The following RIMS2 variants were observed in gnomAD, a reference collection of about 807,000 sequenced individuals.
RIMS2 encodes the protein regulating synaptic membrane exocytosis protein 2.
A neutral mutation model predicts 174.4 loss-of-function variants in RIMS2; 59 were observed. That is an observed-to-expected ratio of 0.34 (90% confidence interval 0.27 to 0.42). RIMS2 has a LOEUF of 0.42. Ranked by LOEUF, RIMS2 falls within the 10% of genes least tolerant of loss-of-function variation. The probability of loss-of-function intolerance (pLI) is 1.00; values close to 1 mark genes in which losing one functional copy is unlikely to be tolerated. For synonymous variants in RIMS2, 606 were observed against 572.5 expected (o/e 1.06, Z -0.84); for missense variants, 1,620 against 1,666.3 (o/e 0.97, Z 0.48).
intron 19 of RIMS2, among the ~76,000 whole-genome samples, chr8:104,183,054 C>T (rs1251623455): frequency 6.6e-6 from 1 of 151,610 alleles, no homozygotes; most frequent in Non-Finnish European, 1.5e-5. Flanking sequence ...ATAGAAGTGA[C>T]TAAAACTTTT....
At chr8:103,952,691 A>C (rs1320201642) in intron 14 of RIMS2, among the ~76,000 whole-genome samples, 3 of 152,210 alleles carry the variant, frequency 2.0e-5, no homozygotes, top group Non-Finnish European at 4.4e-5. Flanking sequence ...TCCAAAAACC[A>C]GAACGCTTCT....
chr8:103,689,303 G>C (rs2096982203), intron 1 of RIMS2, among the ~76,000 whole-genome samples: 1 of 152,070 alleles, frequency 6.6e-6, no homozygotes. Context: ...AATGATCCAT[G>C]TGCTGAGGGG....
intron 19 of RIMS2, among the ~76,000 whole-genome samples, chr8:104,049,520 T>G (rs1165608995): frequency 6.6e-6 from 1 of 152,174 alleles, no homozygotes; most frequent in Non-Finnish European, 1.5e-5. Flanking sequence ...TTGCCCTGTT[T>G]AGAGGCATGT....
At chr8:104,018,773 C>A (rs1472662865) in intron 19 of RIMS2, among the ~76,000 whole-genome samples, 1 of 151,986 alleles carries the variant, frequency 6.6e-6, no homozygotes, top group African/African-American at 2.4e-5. Context: ...CATTTATAGA[C>A]CATGATCATT....
intron 19 of RIMS2, among the ~76,000 whole-genome samples, chr8:104,238,173 A>G (rs571389023): frequency 1.3e-5 from 2 of 152,318 alleles, no homozygotes; most frequent in East Asian, 3.9e-4. Flanking sequence ...GCTGGAAGCC[A>G]TTATTCTCAG....
chr8:103,641,935 T>G (rs550008809), intron 1 of RIMS2, among the ~76,000 whole-genome samples: 7 of 152,270 alleles, frequency 4.6e-5, no homozygotes, highest in African/African-American at 4.8e-5. Flanking sequence ...TTACCCAGCC[T>G]AATGTATTCC....
At chr8:103,836,917 G>A (rs1024361953) in intron 3 of RIMS2, among the ~76,000 whole-genome samples, 3 of 152,152 alleles carry the variant, frequency 2.0e-5, no homozygotes, top group Non-Finnish European at 4.4e-5. Flanking sequence ...ATGAAAAGTG[G>A]TACCACAGTT....
intron 19 of RIMS2, among the ~76,000 whole-genome samples, chr8:104,036,484 T>C (rs1003093250): frequency 3.3e-5 from 5 of 151,956 alleles, no homozygotes; most frequent in Non-Finnish European, 7.4e-5. Flanking sequence ...CCTCAGTACA[T>C]ACTCTCTTTT....
At chr8:103,740,084 A>G (rs979973982) in intron 2 of RIMS2, among the ~76,000 whole-genome samples, 1 of 152,174 alleles carries the variant, frequency 6.6e-6, no homozygotes, top group African/African-American at 2.4e-5. Context: ...TGATTTGTTT[A>G]GATAAGCATT....
intron 1 of RIMS2, among the ~76,000 whole-genome samples, chr8:103,695,876 TTTTC>T (rs1231497477): frequency 6.6e-6 from 1 of 152,068 alleles, no homozygotes; most frequent in Non-Finnish European, 1.5e-5. Context: ...TTTCAAAGGT[TTTTC>T]TTTATCTTTG....
intron 19 of RIMS2, among the ~76,000 whole-genome samples, chr8:104,208,622 A>G (rs562816148): frequency 6.6e-6 from 1 of 152,294 alleles, no homozygotes; most frequent in East Asian, 1.9e-4. Context: ...TATCAGTATG[A>G]CATAACAAGA....
intron 3 of RIMS2, among the ~76,000 whole-genome samples, chr8:103,787,430 T>C (rs1382544784): frequency 6.6e-6 from 1 of 151,198 alleles, no homozygotes; most frequent in Non-Finnish European, 1.5e-5. Flanking sequence ...TTTCCATGTT[T>C]AGCGCTTCCT....
At chr8:104,144,307 A>G (rs182247394) in intron 19 of RIMS2, among the ~76,000 whole-genome samples, 1 of 152,334 alleles carries the variant, frequency 6.6e-6, no homozygotes, top group African/African-American at 2.4e-5. Context: ...TGCACAAAAC[A>G]ATATTTAGAA....
intron 4 of RIMS2, among the ~76,000 whole-genome samples, chr8:103,908,796 C>G (rs377703413): frequency 6.6e-6 from 1 of 152,134 alleles, no homozygotes; most frequent in African/African-American, 2.4e-5. Context: ...ACAACCTAGT[C>G]TCTATATAGT....
At chr8:103,812,051 C>T (rs2098690822) in intron 3 of RIMS2, among the ~76,000 whole-genome samples, 1 of 152,074 alleles carries the variant, frequency 6.6e-6, no homozygotes, top group Non-Finnish European at 1.5e-5. Context: ...GGTTTCAGTC[C>T]CTAAGAAATG....
chr8:104,028,388 G>C (rs1171469386), intron 19 of RIMS2, among the ~76,000 whole-genome samples: 1 of 152,106 alleles, frequency 6.6e-6, no homozygotes, highest in Non-Finnish European at 1.5e-5. Context: ...ACAAGTTAAA[G>C]ATGGGATACA....
At chr8:103,764,422 A>G in intron 2 of RIMS2, among the ~76,000 whole-genome samples, 1 of 152,086 alleles carries the variant, frequency 6.6e-6, no homozygotes, top group East Asian at 1.9e-4. Context: ...TTTTTACATT[A>G]TTTTGTGGTT....
At chr8:103,529,766 A>G (rs1836109805) in intron 1 of RIMS2, among the ~76,000 whole-genome samples, 1 of 152,272 alleles carries the variant, frequency 6.6e-6, no homozygotes, top group Admixed American at 6.5e-5. Context: ...GCCATCTTCC[A>G]GTATACTTTA....
At chr8:104,174,100 C>T (rs561478685) in intron 19 of RIMS2, among the ~76,000 whole-genome samples, 3 of 152,038 alleles carry the variant, frequency 2.0e-5, no homozygotes, top group Admixed American at 2.0e-4. Flanking sequence ...GTGCCTGCCA[C>T]CACGCCCAGC....
Sources: allele counts gnomAD v4.1 joint callset (sites outside exome capture counted in the v4.1 genomes callset), GRCh38; gene constraint gnomAD v4.1.1; transcripts MANE v1.5; gene names NCBI Gene and HGNC (gene_info 2026-07-23, HGNC 2026-07-21).